The following DGCR2 variants were observed in gnomAD, a reference collection of about 807,000 sequenced individuals.
DGCR2 encodes the protein DiGeorge syndrome critical region gene 2, also known as integral membrane protein DGCR2/IDD.
Under a neutral mutation model 51.6 loss-of-function variants are expected in DGCR2, and 24 were observed. The observed-to-expected ratio is 0.47, with a 90% CI of 0.34 to 0.65. The LOEUF is 0.65. Ranked by LOEUF, DGCR2 falls within the 30% of genes least tolerant of loss-of-function variation. The probability of loss-of-function intolerance (pLI) is 0.01; values close to 1 mark genes in which losing one functional copy is unlikely to be tolerated. For missense variants in DGCR2, 765 were observed against 772.1 expected, an observed-to-expected ratio of 0.99 and a Z score of 0.11; for synonymous variants, 340 against 315.4, an observed-to-expected ratio of 1.08 and a Z score of -0.82.
Position 19,063,344 on chromosome 22 carries a change from GTGTTTTT to G in DGCR2, c.549-73_549-67del. Reference sequence around the variant, plus strand: ...GAGGGATGCAACCATCAATGACTGTGTGTTTTTTGTTTTTTGAGACAGAGTCTCGCTC... The same window carrying G: ...GAGGGATGCAACCATCAATGACTGTGTGTTTTTTGAGACAGAGTCTCGCTC... On this transcript the variant is annotated intron_variant, in intron 4 of 9. Coordinates refer to ENST00000263196, the MANE Select transcript of DGCR2 (RefSeq NM_005137.3). 4.0e-6 allele frequency: 6 copies of G among 1,505,372 alleles called. No individual in the cohort carries two copies. In the Admixed American group the frequency reaches 7.1e-5, roughly 18 times the overall value. The allele number at this position is 1,505,372 out of a possible 1,614,324, so 93.3% of individuals were successfully genotyped here. A position where few individuals can be genotyped will look rare whatever the true frequency, so the allele number is the denominator to read the frequency against.
chr22:19,063,143 C>A (rs2082704522), intron 5 of DGCR2, 59 bp downstream of exon 5: 1 of 1,507,242 alleles, frequency 6.6e-7, no homozygotes, highest in Non-Finnish European at 9.2e-7. Context: ...GGAGGGGAGG[C>A]CCCGAATCAG....
rs1334176342 is a variant in DGCR2, at chr22:19,122,369, T to C, written c.-163A>G. ...GGCTGGGCCGCGGGCTGGCGCACACTCTCGGCTGCAACCTCAGGCACCGAC... is the reference window on the plus strand; with the variant it reads ...GGCTGGGCCGCGGGCTGGCGCACACCCTCGGCTGCAACCTCAGGCACCGAC... On this transcript the variant is annotated 5_prime_UTR_variant, in exon 1 of 10. Coordinates refer to ENST00000263196, the MANE Select transcript of DGCR2 (RefSeq NM_005137.3). 6 of 504,486 alleles carry C rather than the reference T, an allele frequency of 1.2e-5. No homozygotes were observed. The highest frequency in any genetic ancestry group is 3.7e-5 in the East Asian group (1 of 26,932). 31.3% of individuals were successfully genotyped at this position (504,486 alleles called of 1,614,324 possible). A position where few individuals can be genotyped will look rare whatever the true frequency, so the allele number is the denominator to read the frequency against.
At chr22:19,084,261 A>G (rs1305471931) in intron 2 of DGCR2, among the ~76,000 whole-genome samples, 2 of 148,264 alleles carry the variant, frequency 1.3e-5, no homozygotes, top group African/African-American at 5.0e-5. Context: ...TCGCCATCCC[A>G]TCTAGGAAGT....
Position 19,068,089 on chromosome 22 carries a change from C to A in DGCR2, c.328+11G>T, listed in dbSNP as rs369684414. 9.6e-6 allele frequency: 15 copies of A among 1,564,144 alleles called. No homozygotes were observed. The highest frequency in any genetic ancestry group is 2.7e-5 in the African/African-American group (2 of 73,756). ...CCCCAGTGTCCCAGTCAGGGCAGGT[C>A]TGCAACTTACTGCTGAAGCGAACGG... On this transcript the variant is annotated intron_variant, in intron 3 of 9. Transcript: ENST00000263196.
intron 6 of DGCR2, among the ~76,000 whole-genome samples, chr22:19,050,119 A>T (rs1203117188): frequency 5.3e-5 from 8 of 152,260 alleles, no homozygotes. Flanking sequence ...CTATACATCC[A>T]GGAAGCTCAA....
Position 19,063,237 on chromosome 22 carries a change from C to T in DGCR2, c.590G>A (p.Arg197His), listed in dbSNP as rs200280373. 215 of 1,614,150 alleles carry T rather than the reference C, an allele frequency of 1.3e-4. No individual in the cohort carries two copies. In the East Asian group the frequency reaches 3.8e-3, roughly 28 times the overall value. ...GYQYVITGRN[R>H]SLEGRWEVAF... is the part of the protein sequence containing the mutation. ...CACCTCCCAGCGACCTTCCAAGGAG[C>T]GGTTCCGGCCAGTGATAACATACTG... Residue 197 changes from arginine (R) to histidine (H), a missense_variant, in exon 5 of 10, where the codon CGC becomes CAC. By Grantham distance (29) the Arg-to-His change is conservative. This residue lies in a region of DGCR2 where 370 missense variants were observed against 325.5 expected (regional missense o/e 1.14). Transcript: ENST00000263196.
intron 1 of DGCR2, among the ~76,000 whole-genome samples, chr22:19,117,988 C>T (rs1405426832): frequency 6.6e-6 from 1 of 152,208 alleles, no homozygotes; most frequent in Non-Finnish European, 1.5e-5. Flanking sequence ...CCAGCTACTT[C>T]TGAACCTCGG....
At chr22:19,075,319 C>G (rs1321766847) in intron 2 of DGCR2, among the ~76,000 whole-genome samples, 4 of 152,018 alleles carry the variant, frequency 2.6e-5, no homozygotes, top group African/African-American at 9.7e-5. Context: ...TGGTGGTGGA[C>G]GCCTGTAGTC....
In DGCR2 at chr22:19,048,666, A is replaced by G. The variant is rs2082517181; in HGVS notation, c.803-23T>C. 1.9e-6 allele frequency: 3 copies of G among 1,609,230 alleles called. No individual in the cohort carries two copies. In the East Asian group the frequency reaches 6.7e-5, roughly 36 times the overall value. On this transcript the variant is annotated intron_variant, in intron 6 of 9. Transcript: ENST00000263196. Reference sequence around the variant, plus strand: ...GACCTGCAATGAGCATACATTGTGTACAGATGTATACAATGCCAAAAAAGG... The same window carrying G: ...GACCTGCAATGAGCATACATTGTGTGCAGATGTATACAATGCCAAAAAAGG...
chr22:19,061,165 A>T, intron 5 of DGCR2: 1 of 216,216 alleles, frequency 4.6e-6, no homozygotes, highest in South Asian at 5.3e-5. Context: ...AACACCTCAG[A>T]CCCCAATGAC....
At chr22:19,065,148 G>T in intron 3 of DGCR2, 81 bp from the exon 4 acceptor site, 1 of 1,223,234 alleles carries the variant, frequency 8.2e-7, no homozygotes, top group Non-Finnish European at 1.2e-6. Context: ...TCAGGGACAG[G>T]CACACCTTGT....
rs1430960797 is a variant in DGCR2 at position 19,068,207 on chromosome 22, C to T, written c.221G>A (p.Arg74His). The stretch of plus-strand genomic sequence containing the variant: ...CACAGCCTCCTTCCCATGATGAGGA[C>T]GCACCTCCCCGGTCACTTCTGAAAG... ...ANCPEVTGEV[R>H]PHHGKEAVDP... Residue 74 changes from arginine (R) to histidine (H), a missense_variant, in exon 3 of 10, where the codon CGT becomes CAT. Arg to His is a conservative substitution (Grantham distance 29). Coordinates refer to ENST00000263196, the MANE Select transcript of DGCR2 (RefSeq NM_005137.3). 7 of 1,604,478 alleles carry T rather than the reference C, an allele frequency of 4.4e-6. No homozygotes were observed. Among genetic ancestry groups the T allele is most frequent in the African/African-American group, 4.0e-5 (3 of 74,530 alleles).
chr22:19,116,548 C>A (rs1252969061), intron 1 of DGCR2, among the ~76,000 whole-genome samples: 2 of 152,234 alleles, frequency 1.3e-5, no homozygotes, highest in African/African-American at 4.8e-5. Context: ...CGAGCCCACT[C>A]TGCAGACTGG....
chr22:19,044,520 C>CA (rs1482488293), intron 7 of DGCR2, among the ~76,000 whole-genome samples: 4 of 152,182 alleles, frequency 2.6e-5, no homozygotes, highest in African/African-American at 9.7e-5. Context: ...CTGTGCCTGG[C>CA]AGCTGCACCA....
chr22:19,117,629 A>G (rs2083387126), intron 1 of DGCR2, among the ~76,000 whole-genome samples: 1 of 152,248 alleles, frequency 6.6e-6, no homozygotes, highest in African/African-American at 2.4e-5. Context: ...GCACATACAC[A>G]TGGAAGATGA....
At chr22:19,101,374 T>C (rs1161948951) in intron 1 of DGCR2, among the ~76,000 whole-genome samples, 2 of 152,162 alleles carry the variant, frequency 1.3e-5, no homozygotes, top group Admixed American at 6.5e-5. Context: ...AAAAGAATAT[T>C]ATTCCACCAT....
At chr22:19,056,403 C>A in intron 6 of DGCR2, 1 of 459,154 alleles carries the variant, frequency 2.2e-6, no homozygotes, top group Non-Finnish European at 4.0e-6. Flanking sequence ...AAGAACAAAG[C>A]CTCTCCCCAA....
intron 1 of DGCR2, among the ~76,000 whole-genome samples, chr22:19,118,386 A>G (rs1050959445): frequency 6.6e-6 from 1 of 151,182 alleles, no homozygotes; most frequent in African/African-American, 2.4e-5. Flanking sequence ...AAAAAAAAAA[A>G]AAAAAAAAAA....
At chr22:19,096,612 A>T (rs1291196211) in intron 1 of DGCR2, among the ~76,000 whole-genome samples, 1 of 121,946 alleles carries the variant, frequency 8.2e-6, no homozygotes. Flanking sequence ...AAATTTTTTT[A>T]AAGACTAATG....
Sources: allele counts gnomAD v4.1 joint callset (sites outside exome capture counted in the v4.1 genomes callset), GRCh38; gene constraint gnomAD v4.1.1; regional missense constraint gnomAD v4.1.1; transcripts MANE v1.5; gene names NCBI Gene and HGNC (gene_info 2026-07-23, HGNC 2026-07-21).